The following ENOX1 variants were observed in gnomAD, a reference collection of about 807,000 sequenced individuals.
ENOX1 encodes candidate growth-related and time keeping constitutive hydroquinone (NADH) oxidase.
A neutral mutation model predicts 82.5 loss-of-function variants in ENOX1; 42 were observed. The observed-to-expected ratio is 0.51, with a 90% CI of 0.40 to 0.66. The LOEUF (loss-of-function observed/expected upper bound fraction) is 0.66. ENOX1 is among the 30% of genes least tolerant of loss of function. The pLI is 0.00. For synonymous variants in ENOX1, 271 were observed against 282.2 expected (o/e 0.96, Z 0.40); for missense variants, 608 against 811.6 (o/e 0.75, Z 3.05).
At chr13:43,379,928 T>C (rs1194440033) in intron 5 of ENOX1, among the ~76,000 whole-genome samples, 2 of 151,828 alleles carry the variant, frequency 1.3e-5, no homozygotes, top group African/African-American at 4.8e-5. Flanking sequence ...AAAGACATAT[T>C]ACATACAGAG....
At chr13:43,332,301 C>T (rs2048451145) in intron 9 of ENOX1, among the ~76,000 whole-genome samples, 1 of 152,136 alleles carries the variant, frequency 6.6e-6, no homozygotes, top group African/African-American at 2.4e-5. Context: ...AGGGAGCATG[C>T]AACCTAGATC....
intron 3 of ENOX1, among the ~76,000 whole-genome samples, chr13:43,470,240 A>G (rs75913289): frequency 0.051 from 2,261 of 44,518 alleles, 89 homozygotes; most frequent in South Asian, 0.1. Context: ...GTGTGTGTGT[A>G]TATATATACA....
chr13:43,446,849 T>C (rs2056677189), intron 3 of ENOX1, among the ~76,000 whole-genome samples: 1 of 152,228 alleles, frequency 6.6e-6, no homozygotes, highest in South Asian at 2.1e-4. Context: ...ACTCTTTGAC[T>C]AAAGTTTAGA....
intron 2 of ENOX1, among the ~76,000 whole-genome samples, chr13:43,541,087 TTC>T (rs1473796934): frequency 6.6e-6 from 1 of 151,906 alleles, no homozygotes; most frequent in Non-Finnish European, 1.5e-5. Context: ...GTTGTCTTAT[TTC>T]TGTTCTTTAA....
chr13:43,553,909 C>T (rs2079318884), intron 2 of ENOX1, among the ~76,000 whole-genome samples: 1 of 152,086 alleles, frequency 6.6e-6, no homozygotes, highest in African/African-American at 2.4e-5. Flanking sequence ...TCACCACGCC[C>T]AGCTAATTTT....
At chr13:43,264,621 A>G (rs1324937303) in intron 14 of ENOX1, among the ~76,000 whole-genome samples, 4 of 152,206 alleles carry the variant, frequency 2.6e-5, no homozygotes, top group East Asian at 1.9e-4. Flanking sequence ...ATTCATTATC[A>G]TGTCTAATTC....
intron 1 of ENOX1, among the ~76,000 whole-genome samples, chr13:43,783,315 T>C (rs1208526201): frequency 1.3e-5 from 2 of 152,348 alleles, no homozygotes; most frequent in African/African-American, 4.8e-5. Context: ...TTTTTTACTC[T>C]CAAATGCTAA....
chr13:43,492,312 C>A (rs985131833), intron 2 of ENOX1, among the ~76,000 whole-genome samples: 30 of 152,176 alleles, frequency 2.0e-4, no homozygotes, highest in African/African-American at 7.2e-4. Context: ...CTGGCCATTG[C>A]TTTGACTGAA....
At chr13:43,543,907 CTTTTTCT>C (rs1322622641) in intron 2 of ENOX1, 3 of 131,550 alleles carry the variant, frequency 2.3e-5, no homozygotes, top group African/African-American at 8.4e-5. Flanking sequence ...TGTCTTTTTT[CTTTTTCT>C]TTTTTTTTTT....
At chr13:43,239,787 G>A (rs371522482) in intron 14 of ENOX1, among the ~76,000 whole-genome samples, 3 of 152,340 alleles carry the variant, frequency 2.0e-5, no homozygotes, top group African/African-American at 7.2e-5. Context: ...AGACAGGATA[G>A]TGATTTTAGA....
chr13:43,741,232 A>G (rs1015277929), intron 1 of ENOX1, among the ~76,000 whole-genome samples: 3 of 152,012 alleles, frequency 2.0e-5, no homozygotes, highest in Non-Finnish European at 4.4e-5. Flanking sequence ...TCACAGGCAC[A>G]TGCCACCACG....
intron 1 of ENOX1, among the ~76,000 whole-genome samples, chr13:43,718,665 A>G (rs931916549): frequency 2.2e-5 from 3 of 138,788 alleles, no homozygotes; most frequent in Non-Finnish European, 4.6e-5. Context: ...AGACAAAGCA[A>G]GACTCCGTCT....
intron 11 of ENOX1, among the ~76,000 whole-genome samples, chr13:43,320,285 C>A (rs2047730552): frequency 6.6e-6 from 1 of 152,220 alleles, no homozygotes; most frequent in Admixed American, 6.5e-5. Flanking sequence ...CTGCTCGGGG[C>A]CTGGCATTTG....
chr13:43,590,625 A>AG (rs1211343808), intron 2 of ENOX1, among the ~76,000 whole-genome samples: 4 of 150,512 alleles, frequency 2.7e-5, no homozygotes, highest in Non-Finnish European at 5.9e-5. Context: ...AAACAAAAAA[A>AG]ATTAGCTGGG....
chr13:43,231,242 C>G (rs1052184569), intron 15 of ENOX1, among the ~76,000 whole-genome samples: 2 of 152,092 alleles, frequency 1.3e-5, no homozygotes, highest in Admixed American at 1.3e-4. Flanking sequence ...AAATGGTCCA[C>G]GGATGTTGGA....
intron 10 of ENOX1, among the ~76,000 whole-genome samples, chr13:43,325,693 C>T (rs530642992): frequency 6.6e-6 from 1 of 152,094 alleles, no homozygotes; most frequent in South Asian, 2.1e-4. Flanking sequence ...AACATTCTTT[C>T]ATTAAAAAAA....
intron 3 of ENOX1, among the ~76,000 whole-genome samples, chr13:43,422,373 A>T (rs1382702306): frequency 6.6e-6 from 1 of 152,168 alleles, no homozygotes; most frequent in East Asian, 1.9e-4. Context: ...TACAGTACTA[A>T]AGAAGTGAAA....
At chr13:43,393,164 T>C (rs1367889760) in intron 5 of ENOX1, among the ~76,000 whole-genome samples, 2 of 152,238 alleles carry the variant, frequency 1.3e-5, no homozygotes, top group African/African-American at 4.8e-5. Flanking sequence ...AGAGAGTTCA[T>C]TTTCAGCCAA....
intron 13 of ENOX1, among the ~76,000 whole-genome samples, chr13:43,267,334 G>T (rs2044439116): frequency 6.6e-6 from 1 of 152,230 alleles, no homozygotes; most frequent in Admixed American, 6.5e-5. Context: ...AGTGGGGCCT[G>T]GAGGGACCTA....
Sources: allele counts gnomAD v4.1 joint callset (sites outside exome capture counted in the v4.1 genomes callset), GRCh38; gene constraint gnomAD v4.1.1; transcripts MANE v1.5; gene names NCBI Gene and HGNC (gene_info 2026-07-23, HGNC 2026-07-21).